Variants in MACROD2 observed in about 807,000 individuals in gnomAD.
MACROD2 encodes mono-ADP ribosylhydrolase 2, also known as ADP-ribose glycohydrolase MACROD2.
A neutral mutation model predicts 70.4 loss-of-function variants in MACROD2; 36 were observed. The observed-to-expected ratio is 0.51, with a 90% CI of 0.39 to 0.68. MACROD2 has a LOEUF of 0.68. Among genes scored for constraint, MACROD2 ranks in the 30% least tolerant of loss-of-function variants. MACROD2 has a pLI of 0.00. For synonymous variants in MACROD2, 172 were observed against 178.8 expected (o/e 0.96, Z 0.30); for missense variants, 496 against 538.4 (o/e 0.92, Z 0.78).
intron 6 of MACROD2, among the ~76,000 whole-genome samples, chr20:15,376,245 A>G (rs1246940382): frequency 6.6e-6 from 1 of 152,202 alleles, no homozygotes; most frequent in Non-Finnish European, 1.5e-5. Flanking sequence ...AGATAATTTT[A>G]TAACTCTTTG....
chr20:14,154,779 C>G (rs1006408068), intron 3 of MACROD2, among the ~76,000 whole-genome samples: 3 of 152,038 alleles, frequency 2.0e-5, no homozygotes, highest in African/African-American at 7.2e-5. Context: ...GTGTCATATT[C>G]CTTTGTGCCT....
chr20:15,874,504 T>C (rs11906364), intron 9 of MACROD2, among the ~76,000 whole-genome samples: 2,864 of 152,152 alleles, frequency 0.019, 103 homozygotes, highest in African/African-American at 0.065. Context: ...CCTTCCACAA[T>C]GGTTGAACTA....
intron 3 of MACROD2, among the ~76,000 whole-genome samples, chr20:14,444,733 G>A (rs572089447): frequency 5.3e-5 from 8 of 152,030 alleles, no homozygotes; most frequent in South Asian, 2.1e-4. Flanking sequence ...GGCCATCACC[G>A]TCTCAGTTAA....
rs77231452 is a variant in MACROD2, at chr20:15,242,756, G to A, written c.540+12695G>A. Among the ~76,000 whole-genome samples, 116 of 152,224 alleles carry A rather than the reference G, an allele frequency of 7.6e-4. No homozygotes were observed. In the East Asian group the frequency reaches 0.018, roughly 24 times the overall value. On this transcript the variant is annotated intron_variant, in intron 6 of 17. Transcript: ENST00000684519. ...AGAAATTCATAGCACATGCATTTTG[G>A]TTTTTAAATTAAAAATATTTGCTTA...
chr20:15,879,909 T>C (rs2147198559), intron 9 of MACROD2, among the ~76,000 whole-genome samples: 1 of 152,106 alleles, frequency 6.6e-6, no homozygotes, highest in South Asian at 2.1e-4. Flanking sequence ...CCAAGAAGAA[T>C]TAATGTTTCA....
At chr20:15,300,712 C>G (rs1255489480) in intron 6 of MACROD2, among the ~76,000 whole-genome samples, 1 of 152,098 alleles carries the variant, frequency 6.6e-6, no homozygotes, top group Non-Finnish European at 1.5e-5. Context: ...GGGCTCAGAC[C>G]ACATGTGAAG....
Position 14,344,073 on chromosome 20 carries a change from A to G in MACROD2, c.272-149406A>G, listed in dbSNP as rs1392431233. On this transcript the variant is annotated intron_variant, in intron 3 of 17. Coordinates refer to ENST00000684519, the MANE Select transcript of MACROD2 (RefSeq NM_001351661.2). ...TTGTATTGGAGATTATCTCTTTGCT[A>G]TTTCTCTGCAGTCTAGACTACTTGG... is the stretch of plus-strand genomic sequence containing the variant. 2.6e-5 allele frequency among the ~76,000 whole-genome samples: 4 copies of G among 151,964 alleles called. No homozygotes were observed. In the East Asian group the frequency reaches 7.7e-4, roughly 29 times the overall value.
At chr20:15,739,341 T>TGGGAC (rs2051070477) in intron 8 of MACROD2, among the ~76,000 whole-genome samples, 1 of 152,120 alleles carries the variant, frequency 6.6e-6, no homozygotes, top group African/African-American at 2.4e-5. Flanking sequence ...GAGATAGGGG[T>TGGGAC]TCAAATCTGG....
At chr20:15,544,570 C>T (rs1172182608) in intron 8 of MACROD2, among the ~76,000 whole-genome samples, 1 of 152,126 alleles carries the variant, frequency 6.6e-6, no homozygotes, top group African/African-American at 2.4e-5. Context: ...GTCCAAGAAT[C>T]TCAATGTGAA....
intron 3 of MACROD2, among the ~76,000 whole-genome samples, chr20:14,366,656 C>T (rs2083276285): frequency 6.6e-6 from 1 of 152,146 alleles, no homozygotes; most frequent in African/African-American, 2.4e-5. Context: ...TGAGCCACCA[C>T]ACCCGGCCAA....
chr20:14,438,087 G>A (rs569853179), intron 3 of MACROD2, among the ~76,000 whole-genome samples: 31 of 152,004 alleles, frequency 2.0e-4, no homozygotes, highest in African/African-American at 7.0e-4. Flanking sequence ...ACTTTGACTT[G>A]CATCTTCCTA....
intron 3 of MACROD2, among the ~76,000 whole-genome samples, chr20:14,142,896 C>T (rs923721506): frequency 2.0e-5 from 3 of 152,054 alleles, no homozygotes; most frequent in African/African-American, 7.2e-5. Flanking sequence ...ATACTTATGT[C>T]TATGTAGTAA....
At chr20:14,342,177 C>T (rs994072381) in intron 3 of MACROD2, among the ~76,000 whole-genome samples, 5 of 152,082 alleles carry the variant, frequency 3.3e-5, no homozygotes, top group African/African-American at 1.2e-4. Flanking sequence ...CTTACTCAGA[C>T]ACAGAACTGA....
chr20:14,350,284 A>G (rs1047813273), intron 3 of MACROD2, among the ~76,000 whole-genome samples: 7 of 151,934 alleles, frequency 4.6e-5, no homozygotes, highest in Admixed American at 3.9e-4. Context: ...CTCTATTTTT[A>G]GTTTTTTGAG....
At chr20:14,354,618 A>G (rs2083155883) in intron 3 of MACROD2, among the ~76,000 whole-genome samples, 2 of 152,048 alleles carry the variant, frequency 1.3e-5, no homozygotes, top group Admixed American at 1.3e-4. Flanking sequence ...TTCAACTTTT[A>G]TTTTAGATTC....
intron 4 of MACROD2, among the ~76,000 whole-genome samples, chr20:14,684,348 G>C (rs1267854187): frequency 6.6e-6 from 1 of 152,122 alleles, no homozygotes; most frequent in Non-Finnish European, 1.5e-5. Context: ...GTTTTGAGGT[G>C]AGCACAAATG....
chr20:15,948,174 C>A (rs962657698), intron 12 of MACROD2, among the ~76,000 whole-genome samples: 2 of 151,938 alleles, frequency 1.3e-5, no homozygotes, highest in East Asian at 3.9e-4. Context: ...GGGCTTGCAA[C>A]TTAGCTCACA....
At chr20:16,000,339 A>C (rs576356754) in intron 15 of MACROD2, among the ~76,000 whole-genome samples, 1 of 152,314 alleles carries the variant, frequency 6.6e-6, no homozygotes, top group South Asian at 2.1e-4. Flanking sequence ...CCCTTCTGTA[A>C]GCATAGTCTT....
intron 8 of MACROD2, among the ~76,000 whole-genome samples, chr20:15,553,288 T>A (rs1354300403): frequency 2.0e-5 from 3 of 152,166 alleles, no homozygotes. Context: ...GGACAAATCA[T>A]GTCAATTATA....
Sources: allele counts gnomAD v4.1 joint callset (sites outside exome capture counted in the v4.1 genomes callset), GRCh38; gene constraint gnomAD v4.1.1; transcripts MANE v1.5; gene names NCBI Gene and HGNC (gene_info 2026-07-23, HGNC 2026-07-21).